SORCS2: variants seen among roughly 807,000 people sequenced by gnomAD.
The protein encoded by SORCS2 is sortilin related VPS10 domain containing receptor 2.
Under a neutral mutation model 141.6 loss-of-function variants are expected in SORCS2, and 100 were observed. That is an observed-to-expected ratio of 0.71 (90% CI 0.60 to 0.83). The LOEUF (loss-of-function observed/expected upper bound fraction) is 0.83. Ranked by LOEUF, SORCS2 falls within the 40% of genes least tolerant of loss-of-function variation. The pLI is 0.00. For missense variants in SORCS2, 1,646 were observed against 1,560.2 expected, an observed-to-expected ratio of 1.05 and a Z score of -0.93; for synonymous variants, 789 against 676.9, an observed-to-expected ratio of 1.17 and a Z score of -2.57.
chr4:7,668,480 T>TG (rs1235131943), intron 8 of SORCS2, among the ~76,000 whole-genome samples: 1 of 150,564 alleles, frequency 6.6e-6, no homozygotes, highest in Non-Finnish European at 1.5e-5. Context: ...GAGAGTGGAG[T>TG]GGGAGGGGCC....
At chr4:7,429,623 G>C (rs902215176) in intron 2 of SORCS2, among the ~76,000 whole-genome samples, 1 of 152,226 alleles carries the variant, frequency 6.6e-6, no homozygotes. Flanking sequence ...GCATGCACCC[G>C]GCGGGCCCCT....
intron 1 of SORCS2, among the ~76,000 whole-genome samples, chr4:7,258,082 G>T (rs988015026): frequency 1.3e-5 from 2 of 152,166 alleles, no homozygotes; most frequent in Admixed American, 1.3e-4. Flanking sequence ...GAGTGCTTCC[G>T]CTGTGTCCCC....
chr4:7,631,010 C>T (rs187280578), intron 3 of SORCS2, among the ~76,000 whole-genome samples: 79 of 149,528 alleles, frequency 5.3e-4, no homozygotes, highest in Middle Eastern at 3.5e-3. Context: ...TCTAGCGAGG[C>T]GAGAAGTGGT....
intron 1 of SORCS2, among the ~76,000 whole-genome samples, chr4:7,253,152 T>G (rs146652255): frequency 2.2e-3 from 328 of 152,384 alleles, no homozygotes; most frequent in Non-Finnish European, 3.9e-3. Flanking sequence ...GTCCCGGCCT[T>G]TGAGGTCTCC....
intron 6 of SORCS2, among the ~76,000 whole-genome samples, chr4:7,661,820 C>G (rs888020280): frequency 6.6e-6 from 1 of 152,170 alleles, no homozygotes; most frequent in African/African-American, 2.4e-5. Context: ...GAGTGTTTCC[C>G]ACTCACTCAG....
intron 2 of SORCS2, among the ~76,000 whole-genome samples, chr4:7,506,398 C>T (rs188193015): frequency 9.5e-4 from 144 of 152,268 alleles, no homozygotes; most frequent in Non-Finnish European, 1.5e-3. Flanking sequence ...ATGGATTTGT[C>T]GTTCTCCAAT....
intron 8 of SORCS2, among the ~76,000 whole-genome samples, chr4:7,671,381 G>A (rs1433880546): frequency 4.6e-5 from 7 of 152,012 alleles, no homozygotes; most frequent in African/African-American, 1.7e-4. Flanking sequence ...CCCTGAGAAA[G>A]ACCAGATGGC....
At chr4:7,341,871 C>A (rs10027021) in intron 1 of SORCS2, among the ~76,000 whole-genome samples, 70,773 of 152,000 alleles carry the variant, frequency 0.47, 16,832 homozygotes, top group African/African-American at 0.56. Flanking sequence ...TCCTTCTAGT[C>A]CCTGGCAGCC....
rs546914581 is a variant in SORCS2, at chr4:7,297,407, C to T, written c.481-98881C>T. 6.5e-4 allele frequency among the ~76,000 whole-genome samples: 99 copies of T among 152,102 alleles called. 1 individual carries two copies. The South Asian group carries it at 8.7e-3, about 13-fold the overall frequency. ...CTTTTGTGCTTTTTCTGCAGGCCCC[C>T]GCCCCTCCCCCACCCCCACCCCAGG... is the stretch of plus-strand genomic sequence containing the variant. On this transcript the variant is annotated intron_variant, in intron 1 of 26. Coordinates refer to ENST00000507866, the MANE Select transcript of SORCS2 (RefSeq NM_020777.3).
In SORCS2 at chr4:7,712,723, C is replaced by T. The variant is rs749261733; in HGVS notation, c.1869-10C>T. The T allele has an allele frequency of 4.3e-6, 7 of 1,613,812 alleles. No homozygotes were observed. In the African/African-American group the frequency reaches 6.7e-5, roughly 15 times the overall value. ...GGTTTTCTCTCCCTTCCCTCCTCTTCCCACCCCAGGGTCTTTGGCCACATC... is the reference window on the plus strand; with the variant it reads ...GGTTTTCTCTCCCTTCCCTCCTCTTTCCACCCCAGGGTCTTTGGCCACATC... On this transcript the variant is annotated splice_polypyrimidine_tract_variant and intron_variant, in intron 14 of 26. Transcript: ENST00000507866.
At chr4:7,740,050 C>A (rs1044373510) in intron 26 of SORCS2, 150 bp from the exon 27 acceptor site, 2 of 652,768 alleles carry the variant, frequency 3.1e-6, no homozygotes, top group Non-Finnish European at 5.5e-6. Context: ...ACCGCGGAGA[C>A]CCCCTGCACC....
intron 4 of SORCS2, among the ~76,000 whole-genome samples, chr4:7,644,572 G>A (rs574858794): frequency 1.3e-5 from 2 of 152,340 alleles, no homozygotes; most frequent in Non-Finnish European, 2.9e-5. Flanking sequence ...AGTGAAACGA[G>A]GCACCCTGGA....
At chr4:7,373,267 C>G (rs10030378) in intron 1 of SORCS2, among the ~76,000 whole-genome samples, 103,327 of 150,362 alleles carry the variant, frequency 0.69, 35,820 homozygotes, top group East Asian at 0.93. Flanking sequence ...AAATTTTAGT[C>G]ATTCTAATAA....
In SORCS2 at chr4:7,193,116, A is replaced by T; in HGVS notation, c.470A>T (p.Glu157Val). The change falls in exon 1 of 27, where the codon GAG (glutamate) becomes GTG (valine). Residue 157 changes from glutamate (E) to valine (V), a missense_variant. By Grantham distance (121) the Glu-to-Val change is moderately radical. Coordinates refer to ENST00000507866, the MANE Select transcript of SORCS2 (RefSeq NM_020777.3). The surrounding 1 kb of genome is among the most constrained non-coding windows in gnomAD (Gnocchi z 4.8). Reference protein sequence around the residue: ...HNQAMVHWTGENSSVILILTK... With the variant: ...HNQAMVHWTGVNSSVILILTK... ...CAGGCGATGGTGCACTGGACGGGCGAGAACAGCAGCGTAAGTGACCTCCAC... is the reference window on the plus strand; with the variant it reads ...CAGGCGATGGTGCACTGGACGGGCGTGAACAGCAGCGTAAGTGACCTCCAC... The T allele has an allele frequency of 6.5e-7, 1 of 1,542,554 alleles. No individual in the cohort carries two copies. Among genetic ancestry groups the T allele is most frequent in the East Asian group, 2.6e-5 (1 of 38,608 alleles).
chr4:7,334,241 G>A (rs550319708), intron 1 of SORCS2, among the ~76,000 whole-genome samples: 9 of 152,194 alleles, frequency 5.9e-5, no homozygotes, highest in African/African-American at 7.2e-5. Context: ...TGCGCACCCC[G>A]GGTCCTGGCC....
intron 2 of SORCS2, among the ~76,000 whole-genome samples, chr4:7,452,155 T>G (rs1728501925): frequency 6.6e-6 from 1 of 151,950 alleles, no homozygotes; most frequent in Admixed American, 6.5e-5. Flanking sequence ...CTTTTTTTTT[T>G]TTTGAGATGG....
intron 3 of SORCS2, among the ~76,000 whole-genome samples, chr4:7,603,148 GGAGAGAGAGGGAGAGGGAGACCA>G (rs1717846928): frequency 6.6e-6 from 1 of 151,722 alleles, no homozygotes; most frequent in Non-Finnish European, 1.5e-5. Flanking sequence ...GGGAGACCAT[GGAGAGAGAGGGAGAGGGAGACCA>G]TGGAAAGAGA....
intron 1 of SORCS2, among the ~76,000 whole-genome samples, chr4:7,324,065 C>T (rs980489020): frequency 1.3e-5 from 2 of 152,202 alleles, no homozygotes; most frequent in Non-Finnish European, 1.5e-5. Context: ...CAGCCAGGGT[C>T]TTGCAGGCTT....
chr4:7,706,359 AGGGATGAGGCTGG>A, intron 14 of SORCS2, among the ~76,000 whole-genome samples: 3 of 145,990 alleles, frequency 2.1e-5, no homozygotes, highest in Non-Finnish European at 4.5e-5. Flanking sequence ...CCGTCTGGGC[AGGGATGAGGCTGG>A]GCTCTGTCTG....
Sources: allele counts gnomAD v4.1 joint callset (sites outside exome capture counted in the v4.1 genomes callset), GRCh38; gene constraint gnomAD v4.1.1; non-coding constraint Gnocchi (gnomAD v3.1); transcripts MANE v1.5; gene names NCBI Gene and HGNC (gene_info 2026-07-23, HGNC 2026-07-21).